Variants in TRPC7 observed in about 807,000 individuals in gnomAD.
TRPC7 encodes transient receptor potential cation channel subfamily C member 7.
TRPC7 carries 42 observed loss-of-function variants against 90.1 expected under a neutral mutation model. The observed-to-expected ratio is 0.47, with a 90% CI of 0.36 to 0.60. The LOEUF (loss-of-function observed/expected upper bound fraction) is 0.60. Ranked by LOEUF, TRPC7 falls within the 20% of genes least tolerant of loss-of-function variation. TRPC7 has a pLI of 0.00. For missense variants in TRPC7, 955 were observed against 1,112.3 expected, an observed-to-expected ratio of 0.86 and a Z score of 2.01; for synonymous variants, 451 against 436.3, an observed-to-expected ratio of 1.03 and a Z score of -0.42.
At chr5:136,260,999 T>A (rs1030763282) in intron 5 of TRPC7, among the ~76,000 whole-genome samples, 1 of 152,198 alleles carries the variant, frequency 6.6e-6, no homozygotes. Context: ...TGTGCTATTT[T>A]GTTTCTAGCT....
chr5:136,319,417 TC>T (rs1335671414), intron 2 of TRPC7, among the ~76,000 whole-genome samples: 1 of 152,056 alleles, frequency 6.6e-6, no homozygotes, highest in Non-Finnish European at 1.5e-5. Flanking sequence ...TCTCATCTTC[TC>T]CCTTTCCCTA....
chr5:136,244,825 A>G (rs973483716), intron 7 of TRPC7, among the ~76,000 whole-genome samples: 1 of 152,206 alleles, frequency 6.6e-6, no homozygotes, highest in Non-Finnish European at 1.5e-5. Flanking sequence ...AAAGTAGTCC[A>G]GCTGATTCAA....
chr5:136,281,974 A>G (rs1757564988), intron 3 of TRPC7, among the ~76,000 whole-genome samples: 2 of 152,364 alleles, frequency 1.3e-5, no homozygotes, highest in South Asian at 4.1e-4. Context: ...GCTCTAAAGT[A>G]GAGAAACTTG....
At chr5:136,353,702 A>G (rs1180831017) in intron 2 of TRPC7, among the ~76,000 whole-genome samples, 2 of 152,246 alleles carry the variant, frequency 1.3e-5, no homozygotes, top group Non-Finnish European at 2.9e-5. Flanking sequence ...TTTGTCGACA[A>G]TCCAAAAGAC....
chr5:136,257,563 T>C (rs2149808546), intron 5 of TRPC7, among the ~76,000 whole-genome samples: 1 of 152,254 alleles, frequency 6.6e-6, no homozygotes, highest in Middle Eastern at 3.4e-3. Context: ...AAGATCTGCA[T>C]ATTTGTATCA....
intron 3 of TRPC7, among the ~76,000 whole-genome samples, chr5:136,286,122 C>T (rs949939274): frequency 6.6e-5 from 10 of 152,168 alleles, no homozygotes; most frequent in Non-Finnish European, 1.2e-4. Context: ...ATCGAATGCG[C>T]GAATTTATAA....
chr5:136,340,119 A>G (rs1327981206), intron 2 of TRPC7, among the ~76,000 whole-genome samples: 3 of 152,254 alleles, frequency 2.0e-5, no homozygotes, highest in Admixed American at 1.3e-4. Flanking sequence ...ATATATACAC[A>G]TTGGAATACT....
rs779388940 is a variant in TRPC7, at chr5:136,247,492, T to C, written c.1823A>G (p.Lys608Arg). 2.5e-6 allele frequency: 4 copies of C among 1,613,420 alleles called. No individual in the cohort carries two copies. Among genetic ancestry groups the C allele is most frequent in the African/African-American group, 2.7e-5 (2 of 75,016 alleles). ...TCACGTTGTAAACGCTGGGTTGTAT[T>C]TGGCACCTCGGTAGTAAGAGTACAG... ...FNLYSYYRGAKYNPAFTTVEE... is the reference protein window; with the variant it reads ...FNLYSYYRGARYNPAFTTVEE... The change falls in exon 7 of 12, where the codon AAA (lysine) becomes AGA (arginine). Residue 608 changes from lysine to arginine, a missense_variant. By Grantham distance (26) the Lys-to-Arg change is conservative. Transcript: ENST00000513104. This position sits in a 1 kb window ranked among gnomAD's most constrained non-coding sequence, Gnocchi z 4.2.
At chr5:136,334,515 C>G (rs913532908) in intron 2 of TRPC7, among the ~76,000 whole-genome samples, 3 of 152,216 alleles carry the variant, frequency 2.0e-5, no homozygotes, top group Non-Finnish European at 4.4e-5. Flanking sequence ...TGACACTCCT[C>G]TTTGTCACCT....
chr5:136,336,443 T>A (rs1230612177), intron 2 of TRPC7, among the ~76,000 whole-genome samples: 2 of 152,008 alleles, frequency 1.3e-5, no homozygotes, highest in African/African-American at 2.4e-5. Flanking sequence ...AGATTTCAAT[T>A]CAGATGTTGT....
intron 3 of TRPC7, among the ~76,000 whole-genome samples, chr5:136,300,963 A>T (rs899033148): frequency 2.6e-5 from 4 of 152,320 alleles, no homozygotes; most frequent in East Asian, 1.9e-4. Context: ...AAGAGCCTTT[A>T]AAAAACACCA....
At chr5:136,290,803 A>G (rs1757917687) in intron 3 of TRPC7, among the ~76,000 whole-genome samples, 1 of 152,144 alleles carries the variant, frequency 6.6e-6, no homozygotes, top group Non-Finnish European at 1.5e-5. Flanking sequence ...CCACAAAGAT[A>G]CTCCTTGAGA....
At chr5:136,285,178 A>G (rs888281387) in intron 3 of TRPC7, among the ~76,000 whole-genome samples, 2 of 152,220 alleles carry the variant, frequency 1.3e-5, no homozygotes, top group African/African-American at 4.8e-5. Context: ...GATGAAGACT[A>G]AACATGACTT....
intron 2 of TRPC7, among the ~76,000 whole-genome samples, chr5:136,322,248 C>T (rs1759222363): frequency 6.6e-6 from 1 of 152,108 alleles, no homozygotes; most frequent in Non-Finnish European, 1.5e-5. Context: ...CTCTTGACCT[C>T]AAGTGATCAC....
intron 3 of TRPC7, among the ~76,000 whole-genome samples, chr5:136,304,245 G>A (rs1464372825): frequency 3.3e-5 from 5 of 151,862 alleles, no homozygotes. Flanking sequence ...GACCGATCAT[G>A]CACCCCTTAC....
intron 2 of TRPC7, among the ~76,000 whole-genome samples, chr5:136,352,586 T>G (rs1414746394): frequency 6.6e-6 from 1 of 152,162 alleles, no homozygotes; most frequent in Admixed American, 6.5e-5. Flanking sequence ...TTTTCCTGGC[T>G]ACTCTAGGTG....
intron 3 of TRPC7, among the ~76,000 whole-genome samples, chr5:136,296,836 C>G (rs1561706900): frequency 6.6e-6 from 1 of 152,170 alleles, no homozygotes; most frequent in African/African-American, 2.4e-5. Context: ...TGCAGACAAC[C>G]TGGAGGCCGT....
chr5:136,295,776 C>T (rs1056595463), intron 3 of TRPC7, among the ~76,000 whole-genome samples: 1 of 152,212 alleles, frequency 6.6e-6, no homozygotes, highest in Non-Finnish European at 1.5e-5. Flanking sequence ...GCCATAGAAG[C>T]ATGTAGGCTG....
intron 5 of TRPC7, among the ~76,000 whole-genome samples, chr5:136,262,291 TC>T (rs1298809671): frequency 2.0e-5 from 3 of 152,192 alleles, no homozygotes; most frequent in Non-Finnish European, 4.4e-5. Flanking sequence ...CATCTCTATT[TC>T]TCTTCTCCTC....
Sources: allele counts gnomAD v4.1 joint callset (sites outside exome capture counted in the v4.1 genomes callset), GRCh38; gene constraint gnomAD v4.1.1; non-coding constraint Gnocchi (gnomAD v3.1); transcripts MANE v1.5; gene names NCBI Gene and HGNC (gene_info 2026-07-23, HGNC 2026-07-21).